The following TRAPPC12 variants were observed in gnomAD, a reference collection of about 807,000 sequenced individuals.
TRAPPC12 encodes the protein TPR repeat protein 15.
A neutral mutation model predicts 69.2 loss-of-function variants in TRAPPC12; 61 were observed. The ratio of observed to expected loss-of-function variants is 0.88; its 90% CI spans 0.72 to 1.09. The LOEUF (loss-of-function observed/expected upper bound fraction) is 1.09, where lower values mean the gene tolerates loss of function less well. TRAPPC12 is among the 50% of genes least tolerant of loss of function. TRAPPC12 has a pLI of 0.00. For synonymous variants in TRAPPC12, 469 were observed against 438.9 expected (o/e 1.07, Z -0.86); for missense variants, 1,101 against 1,016.4 (o/e 1.08, Z -1.13).
At chr2:3,407,132 A>G (rs1661775060) in intron 3 of TRAPPC12, among the ~76,000 whole-genome samples, 1 of 152,248 alleles carries the variant, frequency 6.6e-6, no homozygotes, top group Non-Finnish European at 1.5e-5. Context: ...TTACAGGGAA[A>G]TGGATGTCAC....
chr2:3,426,064 A>G (rs745998414), intron 5 of TRAPPC12, among the ~76,000 whole-genome samples: 1 of 152,154 alleles, frequency 6.6e-6, no homozygotes, highest in Admixed American at 6.5e-5. Flanking sequence ...ACGGGTGGGA[A>G]TTGGTCCATA....
At chr2:3,463,596 CT>C (rs1337442347) in intron 8 of TRAPPC12, among the ~76,000 whole-genome samples, 11 of 150,810 alleles carry the variant, frequency 7.3e-5, no homozygotes, top group African/African-American at 2.7e-4. Context: ...ACACTGACCC[CT>C]GGCCCTGAGC....
intron 9 of TRAPPC12, among the ~76,000 whole-genome samples, chr2:3,470,611 A>C (rs1666022679): frequency 6.6e-6 from 1 of 152,218 alleles, no homozygotes; most frequent in African/African-American, 2.4e-5. Flanking sequence ...TTGGCAAAAG[A>C]GTGGGCCGAA....
chr2:3,408,575 C>G (rs1257894739), intron 3 of TRAPPC12, among the ~76,000 whole-genome samples: 3 of 152,048 alleles, frequency 2.0e-5, no homozygotes, highest in Non-Finnish European at 2.9e-5. Context: ...CTGCAGTAAG[C>G]CATGATCGGG....
chr2:3,456,355 A>G (rs1024356354), intron 6 of TRAPPC12: 1 of 152,154 alleles, frequency 6.6e-6, no homozygotes, highest in East Asian at 1.9e-4. Flanking sequence ...AACTGGCAAG[A>G]CGATCTAAAT....
intron 1 of TRAPPC12, 72 bp downstream of exon 1, chr2:3,379,948 G>A (rs1660125840): frequency 6.6e-6 from 1 of 152,590 alleles, no homozygotes. Context: ...GGAGCACACT[G>A]GCTTTGGCCT....
rs1002318057 is a variant in TRAPPC12, at chr2:3,420,626, C to G, written c.1165-1255C>G. Among the ~76,000 whole-genome samples, 5 of 152,194 alleles carry G rather than the reference C, an allele frequency of 3.3e-5. No individual in the cohort carries two copies. In the East Asian group the frequency reaches 5.8e-4, roughly 18 times the overall value. On this transcript the variant is annotated intron_variant, in intron 3 of 11. Coordinates refer to ENST00000324266, the MANE Select transcript of TRAPPC12 (RefSeq NM_016030.6). ...CTCTCCTGCCTTCAACACAGCCCCC[C>G]ACACCGCCGCTGTGGCTGGAATTGG...
chr2:3,380,707 C>T (rs193118045), intron 1 of TRAPPC12, among the ~76,000 whole-genome samples: 15 of 152,314 alleles, frequency 9.8e-5, no homozygotes, highest in Admixed American at 4.6e-4. Context: ...GTTACTCATT[C>T]AGTTCTTACA....
chr2:3,424,870 G>A (rs1029893179), intron 5 of TRAPPC12, among the ~76,000 whole-genome samples: 1 of 152,252 alleles, frequency 6.6e-6, no homozygotes, highest in Non-Finnish European at 1.5e-5. Flanking sequence ...TGGTGCATCT[G>A]TTTGTACATT....
chr2:3,443,923 G>A, intron 6 of TRAPPC12, 32 bp downstream of exon 6: 1 of 1,539,308 alleles, frequency 6.5e-7, no homozygotes, highest in Non-Finnish European at 9.0e-7. Context: ...CCCTGCCACG[G>A]GGAGAACATG....
intron 5 of TRAPPC12, among the ~76,000 whole-genome samples, chr2:3,425,041 A>G (rs762964057): frequency 3.9e-5 from 6 of 152,236 alleles, no homozygotes; most frequent in Non-Finnish European, 7.3e-5. Context: ...GTCCGTGCAT[A>G]TGGCACACGC....
chr2:3,388,622 G>A lies in TRAPPC12; in HGVS notation c.999G>A (p.Val333=). ...VATQQRGAVF[V]DKENLTMPGL... ...CCCAGCAGCGCGGCGCCGTGTTCGT[G>A]GACAAGGAGAACCTCACCATGCCGG... Residue 333 remains valine, a synonymous_variant, in exon 2 of 12, where the codon GTG becomes GTA. Coordinates refer to ENST00000324266, the MANE Select transcript of TRAPPC12 (RefSeq NM_016030.6). 6.3e-7 allele frequency: 1 copy of A among 1,595,578 alleles called. No individual in the cohort carries two copies. Among genetic ancestry groups the A allele is most frequent in the Admixed American group, 1.7e-5 (1 of 58,484 alleles).
rs560074906 is a variant in TRAPPC12 at position 3,458,265 on chromosome 2, G to A, written c.1603+572G>A. ...GCAGCTCGGGGAGTGCGTTAGCCAGGAGCAAGCTTCCGATCATGCTTGGAA... is the reference window on the plus strand; with the variant it reads ...GCAGCTCGGGGAGTGCGTTAGCCAGAAGCAAGCTTCCGATCATGCTTGGAA... On this transcript the variant is annotated intron_variant, in intron 7 of 11. Transcript: ENST00000324266. 3.0e-6 allele frequency: 3 copies of A among 987,040 alleles called. No individual in the cohort carries two copies. In the African/African-American group the frequency reaches 5.2e-5, roughly 17 times the overall value. The allele number at this position is 987,040 out of a possible 1,614,324, so 61.1% of individuals were successfully genotyped here.
At position 3,414,389 on chromosome 2, in the gene TRAPPC12, C is replaced by A. The variant is rs1391888419; in HGVS notation, c.1165-7492C>A. Reference sequence around the variant, plus strand: ...CAGTGGGGTCCTGGCAGCAGTCACTCCACTCTGGATTTAGTCCTTAGAATT... The same window carrying A: ...CAGTGGGGTCCTGGCAGCAGTCACTACACTCTGGATTTAGTCCTTAGAATT... On this transcript the variant is annotated intron_variant, in intron 3 of 11. Coordinates refer to ENST00000324266, the MANE Select transcript of TRAPPC12 (RefSeq NM_016030.6). This position sits in a 1 kb window ranked among gnomAD's most constrained non-coding sequence, Gnocchi z 4.9. Among the ~76,000 whole-genome samples the A allele has an allele frequency of 6.6e-6, 1 of 152,064 alleles. No individual in the cohort carries two copies. Among genetic ancestry groups the A allele is most frequent in the Non-Finnish European group, 1.5e-5 (1 of 68,008 alleles).
chr2:3,385,819 G>A (rs1255040993), intron 1 of TRAPPC12, among the ~76,000 whole-genome samples: 5 of 152,210 alleles, frequency 3.3e-5, no homozygotes. Context: ...TTCAGAGGGG[G>A]CACTGCCTCA....
chr2:3,438,390 CA>C (rs1647036997), intron 5 of TRAPPC12, among the ~76,000 whole-genome samples: 1 of 137,368 alleles, frequency 7.3e-6, no homozygotes, highest in Non-Finnish European at 1.6e-5. Flanking sequence ...GATCCCCCAT[CA>C]CCCCTGGATT....
rs375729532 is a variant in TRAPPC12, at chr2:3,478,847, G to A, written c.1879G>A (p.Ala627Thr). Residue 627 changes from alanine to threonine, a missense_variant and splice_region_variant, in exon 11 of 12, where the codon GCG (alanine) becomes ACG (threonine). Transcript: ENST00000324266. ...CTGCCACCGTTGCTTGTGTTACAGC[G>A]CGTTCCTTCACCTCGGGCAGAATAA... ...QGKIMVLMNSAFLHLGQNNFA... is the reference protein window; with the variant it reads ...QGKIMVLMNSTFLHLGQNNFA... 33 of 1,613,856 alleles carry A rather than the reference G, an allele frequency of 2.0e-5. No homozygotes were observed. Among genetic ancestry groups the A allele is most frequent in the East Asian group, 4.5e-5 (2 of 44,880 alleles).
chr2:3,405,236 T>G (rs1380511702), intron 3 of TRAPPC12, among the ~76,000 whole-genome samples: 1 of 152,018 alleles, frequency 6.6e-6, no homozygotes, highest in Non-Finnish European at 1.5e-5. Flanking sequence ...AAAACTAACA[T>G]AGTCCAAAAT....
At chr2:3,463,293 CT>C (rs916275931) in intron 8 of TRAPPC12, among the ~76,000 whole-genome samples, 1 of 152,082 alleles carries the variant, frequency 6.6e-6, no homozygotes, top group Non-Finnish European at 1.5e-5. Context: ...CCCCAGAATT[CT>C]TCCCCCAACT....
Sources: gnomAD v4.1 joint callset for allele counts (sites outside exome capture counted in the v4.1 genomes callset) on GRCh38, gnomAD v4.1.1 for gene constraint, Gnocchi (gnomAD v3.1) non-coding constraint, MANE v1.5 for transcripts, NCBI Gene and HGNC (gene_info 2026-07-23, HGNC 2026-07-21) for gene names.